CRIPTO: variants seen among roughly 807,000 people sequenced by gnomAD.
CRIPTO encodes the protein protein Cripto.
chr3:46,581,329 G>A, the CRIPTO span: 3 of 1,076,570 alleles, frequency 2.8e-6, no homozygotes, highest in African/African-American at 1.5e-5. Context: ...CTGCTACAAT[G>A]TCCTAACTGA....
At chr3:46,580,329 G>T in the CRIPTO span, among the ~76,000 whole-genome samples, 1 of 152,130 alleles carries the variant, frequency 6.6e-6, no homozygotes, top group Non-Finnish European at 1.5e-5. Flanking sequence ...AACTTCTATT[G>T]AGGAAAATAA....
the CRIPTO span, among the ~76,000 whole-genome samples, chr3:46,575,943 C>G: frequency 6.6e-6 from 1 of 152,184 alleles, no homozygotes; most frequent in African/African-American, 2.4e-5. Context: ...CTTTGCGGAG[C>G]CCTCCCCCAC....
chr3:46,579,225 C>G, the CRIPTO span: 1 of 1,613,948 alleles, frequency 6.2e-7, no homozygotes, highest in Admixed American at 1.7e-5. Context: ...TTGATTTTGT[C>G]GTTAAGGGCT....
chr3:46,574,995 A>T, the CRIPTO span, among the ~76,000 whole-genome samples: 18 of 152,158 alleles, frequency 1.2e-4, no homozygotes, highest in African/African-American at 3.9e-4. Context: ...TTTGTAAGGG[A>T]TGAGATGGGC....
chr3:46,579,898 A>G, the CRIPTO span: 4 of 1,614,068 alleles, frequency 2.5e-6, no homozygotes, highest in Non-Finnish European at 2.5e-6. Context: ...GGAGAGAGAA[A>G]GGGAAGTGGA....
chr3:46,579,612 TCTC>T, the CRIPTO span: 1 of 1,257,028 alleles, frequency 8.0e-7, no homozygotes, highest in Non-Finnish European at 1.2e-6. Context: ...GAAAATGACT[TCTC>T]TGCTCAAAGG....
chr3:46,576,726 T>C, the CRIPTO span, among the ~76,000 whole-genome samples: 6 of 152,282 alleles, frequency 3.9e-5, no homozygotes, highest in African/African-American at 1.4e-4. Context: ...CCTTTAGAAA[T>C]TGGAATTAAA....
the CRIPTO span, chr3:46,579,809 T>C: frequency 6.2e-7 from 1 of 1,613,722 alleles, no homozygotes; most frequent in East Asian, 2.2e-5. Flanking sequence ...GTGCCTGCCC[T>C]CCCTCCTTCT....
the CRIPTO span, chr3:46,579,251 T>A: frequency 1.2e-6 from 2 of 1,614,190 alleles, no homozygotes; most frequent in Admixed American, 3.3e-5. Flanking sequence ...ATCAGGAATT[T>A]GCTCGTCCAT....
At chr3:46,578,965 A>G in the CRIPTO span, 1 of 1,059,764 alleles carries the variant, frequency 9.4e-7, no homozygotes, top group Non-Finnish European at 1.4e-6. Context: ...TTAAAAAAAG[A>G]AAGATGGTGC....
At chr3:46,579,921 A>C in the CRIPTO span, 1 of 1,614,186 alleles carries the variant, frequency 6.2e-7, no homozygotes, top group Non-Finnish European at 8.5e-7. Context: ...TTTCAGACCC[A>C]AGGCTATCGC....
chr3:46,581,310 T>G, the CRIPTO span: 5 of 1,268,204 alleles, frequency 3.9e-6, no homozygotes, highest in Non-Finnish European at 5.8e-6. Context: ...TCATGACCAG[T>G]AAAGGCTGCT....
chr3:46,576,467 G>C, the CRIPTO span, among the ~76,000 whole-genome samples: 4 of 123,120 alleles, frequency 3.2e-5, no homozygotes, highest in African/African-American at 1.3e-4. Flanking sequence ...GGTAACAGAG[G>C]GAGACTCTGT....
the CRIPTO span, among the ~76,000 whole-genome samples, chr3:46,576,657 C>T: frequency 6.6e-6 from 1 of 152,150 alleles, no homozygotes; most frequent in Non-Finnish European, 1.5e-5. Flanking sequence ...ATGGAAACAA[C>T]TATCTAATAA....
chr3:46,582,412 A>G, the CRIPTO span: 4 of 152,234 alleles, frequency 2.6e-5, no homozygotes, highest in African/African-American at 9.6e-5. Context: ...TTTTTAAAAT[A>G]CATTGTATAT....
chr3:46,579,256 G>T, the CRIPTO span: 1 of 1,614,068 alleles, frequency 6.2e-7, no homozygotes, highest in Admixed American at 1.7e-5. Context: ...GAATTTGCTC[G>T]TCCATCTCGG....
chr3:46,580,147 C>G, the CRIPTO span: 5 of 1,569,722 alleles, frequency 3.2e-6, no homozygotes, highest in Non-Finnish European at 4.4e-6. Context: ...CTCCTTGTAC[C>G]TCTTGTCTTG....
chr3:46,579,359 AC>A, the CRIPTO span: 1 of 1,614,088 alleles, frequency 6.2e-7, no homozygotes, highest in Non-Finnish European at 8.5e-7. Flanking sequence ...CCATGGGGAT[AC>A]AGCACAGTAA....
chr3:46,580,115 G>C, the CRIPTO span: 49 of 1,612,702 alleles, frequency 3.0e-5, no homozygotes, highest in Non-Finnish European at 3.7e-5. Context: ...AGTTGCCTTG[G>C]GGGGTGCTTA....
Sources: allele counts gnomAD v4.1 joint callset (sites outside exome capture counted in the v4.1 genomes callset), GRCh38; gene constraint gnomAD v4.1.1; transcripts MANE v1.5; gene names NCBI Gene and HGNC (gene_info 2026-07-23, HGNC 2026-07-21).